Variants in GABRP observed in about 807,000 individuals in gnomAD.
GABRP encodes gamma-aminobutyric acid receptor subunit pi.
GABRP carries 52 observed loss-of-function variants against 47.8 expected under a neutral mutation model. That is an observed-to-expected ratio of 1.09 (90% CI 0.87 to 1.37). The LOEUF (loss-of-function observed/expected upper bound fraction) is 1.37, where lower values mean the gene tolerates loss of function less well. GABRP is among the 40% of genes most tolerant of loss of function. The probability of loss-of-function intolerance (pLI) is 0.00; values close to 1 mark genes in which losing one functional copy is unlikely to be tolerated. For synonymous variants in GABRP, 221 were observed against 205.8 expected (o/e 1.07, Z -0.63); for missense variants, 525 against 542.8 (o/e 0.97, Z 0.33).
chr5:170,790,544 G>A (rs1178675576), intron 3 of GABRP, among the ~76,000 whole-genome samples: 1 of 152,130 alleles, frequency 6.6e-6, no homozygotes, highest in African/African-American at 2.4e-5. Context: ...GCTATTTAGG[G>A]GGACTATGTC....
At chr5:170,807,935 G>T (rs572657974) in intron 7 of GABRP, among the ~76,000 whole-genome samples, 32 of 152,062 alleles carry the variant, frequency 2.1e-4, no homozygotes, top group Non-Finnish European at 7.3e-5. Flanking sequence ...ACCAGTGCTG[G>T]CCACTACTGC....
intron 1 of GABRP, among the ~76,000 whole-genome samples, chr5:170,785,257 C>G (rs1452429103): frequency 6.6e-6 from 1 of 152,200 alleles, no homozygotes; most frequent in East Asian, 1.9e-4. Flanking sequence ...CTTGGGGGTG[C>G]TGAAGGCCCT....
chr5:170,794,153 T>G (rs1581593330), intron 3 of GABRP, 78 bp from the exon 4 acceptor site: 1 of 852,610 alleles, frequency 1.2e-6, no homozygotes, highest in South Asian at 2.8e-5. Context: ...AATTTTAATC[T>G]TTTTTAGAAT....
intron 1 of GABRP, among the ~76,000 whole-genome samples, chr5:170,786,334 G>T (rs373898924): frequency 6.6e-6 from 1 of 152,308 alleles, no homozygotes; most frequent in East Asian, 1.9e-4. Flanking sequence ...TTTTCAATGA[G>T]TGAGAACAAA....
intron 6 of GABRP, among the ~76,000 whole-genome samples, chr5:170,805,298 T>C (rs559490317): frequency 6.6e-6 from 1 of 152,270 alleles, no homozygotes; most frequent in Admixed American, 6.5e-5. Context: ...TGTTTTTGCA[T>C]TTATGCCAAT....
At chr5:170,800,247 T>G (rs10065810) in intron 6 of GABRP, among the ~76,000 whole-genome samples, 37,905 of 152,088 alleles carry the variant, frequency 0.25, 4,989 homozygotes, top group African/African-American at 0.3. Context: ...GGGGAAAGGA[T>G]TCCCTACTTA....
chr5:170,794,486 AT>A (rs1480227331), intron 4 of GABRP, 188 bp downstream of exon 4: 1 of 405,346 alleles, frequency 2.5e-6, no homozygotes, highest in African/African-American at 2.0e-5. Context: ...TGTAGAGCAG[AT>A]TTTCTGAGTA....
intron 3 of GABRP, among the ~76,000 whole-genome samples, chr5:170,789,512 C>T (rs569473769): frequency 6.6e-6 from 1 of 152,172 alleles, no homozygotes; most frequent in Non-Finnish European, 1.5e-5. Context: ...CACTGTCGTC[C>T]TCCTGCCCCC....
chr5:170,808,821 A>G, intron 8 of GABRP, 69 bp downstream of exon 8: 1 of 1,345,272 alleles, frequency 7.4e-7, no homozygotes, highest in South Asian at 1.3e-5. Context: ...TCCTTTTACC[A>G]TTGTCTTCAT....
At chr5:170,808,145 C>A (rs943840125) in intron 7 of GABRP, among the ~76,000 whole-genome samples, 3 of 152,136 alleles carry the variant, frequency 2.0e-5, no homozygotes, top group African/African-American at 4.8e-5. Context: ...ATCTGGGGTG[C>A]CTCTGAAATC....
At chr5:170,800,103 TACAGTA>T (rs1243510239) in intron 6 of GABRP, among the ~76,000 whole-genome samples, 4 of 152,162 alleles carry the variant, frequency 2.6e-5, no homozygotes, top group African/African-American at 4.8e-5. Flanking sequence ...ACTACAAGGC[TACAGTA>T]ACCAAAACAG....
At chr5:170,803,586 T>C (rs1765649984) in intron 6 of GABRP, among the ~76,000 whole-genome samples, 1 of 152,138 alleles carries the variant, frequency 6.6e-6, no homozygotes, top group Non-Finnish European at 1.5e-5. Context: ...CCACATGTCA[T>C]TGTTAGAATA....
At chr5:170,804,993 T>A (rs1160038741) in intron 6 of GABRP, among the ~76,000 whole-genome samples, 2 of 93,480 alleles carry the variant, frequency 2.1e-5, no homozygotes, top group South Asian at 7.7e-4. Context: ...TATATTATAT[T>A]ATATATTATA....
At chr5:170,806,545 C>T (rs939214422) in intron 7 of GABRP, among the ~76,000 whole-genome samples, 15 of 151,966 alleles carry the variant, frequency 9.9e-5, no homozygotes, top group African/African-American at 3.6e-4. Context: ...CAGGTTCAAG[C>T]GACTCTTGTG....
At chr5:170,785,842 AG>A (rs1765116505) in intron 1 of GABRP, among the ~76,000 whole-genome samples, 1 of 152,208 alleles carries the variant, frequency 6.6e-6, no homozygotes, top group Admixed American at 6.5e-5. Context: ...GAGGCTGATA[AG>A]CATGTGGGAG....
Position 170,794,126 on chromosome 5 carries a change from C to T in GABRP, c.173-105C>T, listed in dbSNP as rs148479831. The T allele has an allele frequency of 4.5e-4, 301 of 665,258 alleles. 2 individuals carry two copies. The African/African-American group carries it at 4.6e-3, about 10-fold the overall frequency. The allele number at this position is 665,258 out of a possible 1,614,324, so 41.2% of individuals were successfully genotyped here. ...TAGAATATTTAAATTTTTCTAACAA[C>T]CAAGCACAACTTTTGTAATTTTAAT... On this transcript the variant is annotated intron_variant, in intron 3 of 9. Coordinates refer to ENST00000265294, the MANE Select transcript of GABRP (RefSeq NM_014211.3).
chr5:170,808,351 T>C (rs1359002672), intron 7 of GABRP, among the ~76,000 whole-genome samples: 4 of 152,182 alleles, frequency 2.6e-5, no homozygotes, highest in East Asian at 1.9e-4. Context: ...AAAACCAGTA[T>C]TGATTGCACT....
intron 7 of GABRP, 66 bp downstream of exon 7, chr5:170,805,919 G>A: frequency 1.3e-6 from 2 of 1,557,404 alleles, no homozygotes; most frequent in Non-Finnish European, 8.8e-7. Context: ...TGCTCTCTGA[G>A]TCAGAAATAT....
chr5:170,789,579 G>T (rs1477107593), intron 3 of GABRP, among the ~76,000 whole-genome samples: 1 of 152,082 alleles, frequency 6.6e-6, no homozygotes, highest in Non-Finnish European at 1.5e-5. Flanking sequence ...ACCCCATCTG[G>T]TCTTCCCCCT....
Sources: allele counts gnomAD v4.1 joint callset (sites outside exome capture counted in the v4.1 genomes callset), GRCh38; gene constraint gnomAD v4.1.1; transcripts MANE v1.5; gene names NCBI Gene and HGNC (gene_info 2026-07-23, HGNC 2026-07-21).